The following TRIM33 variants were observed in gnomAD, a reference collection of about 807,000 sequenced individuals.
TRIM33 encodes the protein tripartite motif containing 33, also known as E3 ubiquitin-protein ligase TRIM33.
In TRIM33, 20 loss-of-function variants were observed where a neutral mutation model predicts 125.4. The ratio of observed to expected loss-of-function variants is 0.16; its 90% CI spans 0.11 to 0.23. The LOEUF (loss-of-function observed/expected upper bound fraction) is 0.23. Ranked by LOEUF, TRIM33 falls within the 10% of genes least tolerant of loss-of-function variation. The probability of loss-of-function intolerance (pLI) is 1.00; values close to 1 mark genes in which losing one functional copy is unlikely to be tolerated. For missense variants in TRIM33, 920 were observed against 1,411.4 expected (o/e 0.65, Z 5.58); for synonymous variants, 564 against 513.9 (o/e 1.10, Z -1.32).
At position 114,463,399 on chromosome 1, in the gene TRIM33, G is replaced by C; in HGVS notation, c.790+13C>G. The stretch of plus-strand genomic sequence containing the variant: ...CTGTAATCATTGTAATGATTACAAT[G>C]CATCTATCTTACCTGAGACATCTTC... On this transcript the variant is annotated intron_variant, in intron 3 of 19. Coordinates refer to ENST00000358465, the MANE Select transcript of TRIM33 (RefSeq NM_015906.4). 6.2e-7 allele frequency: 1 copy of C among 1,608,048 alleles called. No individual in the cohort carries two copies.
rs1283353229 is a variant in TRIM33 at position 114,394,080 on chromosome 1, G to C, written c.*3568C>G. On this transcript the variant is annotated 3_prime_UTR_variant, in exon 20 of 20. Coordinates refer to ENST00000358465, the MANE Select transcript of TRIM33 (RefSeq NM_015906.4). The stretch of plus-strand genomic sequence containing the variant: ...CCTTGAAAATCTTGAGTCACCTTCA[G>C]CAGATCATTAACATAGATGGTACAG... The C allele has an allele frequency of 4.4e-6, 1 of 227,410 alleles. No homozygotes were observed. The highest frequency in any genetic ancestry group is 5.7e-5 in the Admixed American group (1 of 17,536). The allele number at this position is 227,410 out of a possible 1,614,324, so 14.1% of individuals were successfully genotyped here.
At position 114,510,943 on chromosome 1, in the gene TRIM33, T is replaced by A; in HGVS notation, c.134A>T (p.Glu45Val). 7.1e-7 allele frequency: 1 copy of A among 1,414,760 alleles called. No homozygotes were observed. The highest frequency in any genetic ancestry group is 2.8e-5 in the Admixed American group (1 of 35,978). 87.6% of individuals were successfully genotyped at this position (1,414,760 alleles called of 1,614,324 possible). Residue 45 changes from glutamate to valine, a missense_variant, in exon 1 of 20, where the codon GAG becomes GTG. Glu to Val is a moderately radical substitution (Grantham distance 121). Transcript: ENST00000358465. ...EPPLTAVLVE[E>V]EEEEGGRAGA... ...GGCCCTGCCGCCTTCCTCCTCCTCC[T>A]CCTCCACCAGCACCGCGGTGAGAGG...
intron 4 of TRIM33, among the ~76,000 whole-genome samples, chr1:114,441,930 G>T (rs1648680212): frequency 6.6e-6 from 1 of 152,094 alleles, no homozygotes; most frequent in Admixed American, 6.5e-5. Flanking sequence ...ATCCTAATAG[G>T]ATCAGAAACT....
Position 114,407,070 on chromosome 1 carries a change from C to T in TRIM33, c.2289G>A (p.Lys763=), listed in dbSNP as rs1572014356. The change falls in exon 14 of 20, where the codon AAG becomes AAA. Residue 763 remains lysine, a synonymous_variant. Coordinates refer to ENST00000358465, the MANE Select transcript of TRIM33 (RefSeq NM_015906.4). ...GATCAGATTTGAAACTAAGACTTGT[C>T]TTCTCAGCAGTTCTTCCTGATGACC... ...SCGSSGRTAE[K]TSLSFKSDQV... is the part of the protein sequence containing the mutation. The T allele has an allele frequency of 6.2e-7, 1 of 1,613,594 alleles. No homozygotes were observed. Among genetic ancestry groups the T allele is most frequent in the East Asian group, 2.2e-5 (1 of 44,876 alleles).
At chr1:114,431,143 G>A (rs1647926016) in intron 5 of TRIM33, among the ~76,000 whole-genome samples, 1 of 152,146 alleles carries the variant, frequency 6.6e-6, no homozygotes, top group South Asian at 2.1e-4. Flanking sequence ...GCTCATAAAG[G>A]ACAGTTTATT....
At chr1:114,423,800 G>A (rs1432846189) in intron 10 of TRIM33, among the ~76,000 whole-genome samples, 1 of 152,128 alleles carries the variant, frequency 6.6e-6, no homozygotes, top group Non-Finnish European at 1.5e-5. Flanking sequence ...TTAGTACGCA[G>A]ATTGACCTGA....
At chr1:114,491,392 T>C (rs1448724168) in intron 1 of TRIM33, among the ~76,000 whole-genome samples, 2 of 152,232 alleles carry the variant, frequency 1.3e-5, no homozygotes, top group South Asian at 2.1e-4. Context: ...AACTAAACTA[T>C]TGCTCCTAGA....
intron 8 of TRIM33, among the ~76,000 whole-genome samples, chr1:114,426,554 CA>C (rs1259145591): frequency 6.7e-6 from 1 of 148,746 alleles, no homozygotes; most frequent in Non-Finnish European, 1.5e-5. Context: ...TCTGCTTTTA[CA>C]ATTCCCACTG....
chr1:114,489,992 TG>T (rs1367443339), intron 1 of TRIM33, among the ~76,000 whole-genome samples: 1 of 147,510 alleles, frequency 6.8e-6, no homozygotes, highest in African/African-American at 2.5e-5. Flanking sequence ...GGCTCACACC[TG>T]TAATCCCAGC....
intron 4 of TRIM33, among the ~76,000 whole-genome samples, chr1:114,438,246 G>T (rs551766106): frequency 6.6e-6 from 1 of 152,184 alleles, no homozygotes; most frequent in South Asian, 2.1e-4. Context: ...CACATCTAGG[G>T]AAAAATGCAT....
chr1:114,399,440 G>C lies in TRIM33; in HGVS notation c.3120+17C>G. The C allele has an allele frequency of 6.2e-7, 1 of 1,608,704 alleles. No individual in the cohort carries two copies. The highest frequency in any genetic ancestry group is 1.1e-5 in the South Asian group (1 of 90,364). On this transcript the variant is annotated intron_variant, in intron 18 of 19. Coordinates refer to ENST00000358465, the MANE Select transcript of TRIM33 (RefSeq NM_015906.4). Reference sequence around the variant, plus strand: ...AAACTAACAAATCAAGACTCTATAGGTTGGAAGTTAACATACTTCATTAAA... The same window carrying C: ...AAACTAACAAATCAAGACTCTATAGCTTGGAAGTTAACATACTTCATTAAA...
At chr1:114,492,390 T>C (rs1652125165) in intron 1 of TRIM33, among the ~76,000 whole-genome samples, 1 of 152,260 alleles carries the variant, frequency 6.6e-6, no homozygotes, top group Non-Finnish European at 1.5e-5. Flanking sequence ...ATTATGTATG[T>C]ATATTATGTA....
rs1310370661 is a variant in TRIM33 at position 114,414,185 on chromosome 1, T to C, written c.2062-3869A>G. Among the ~76,000 whole-genome samples, 3 of 152,136 alleles carry C rather than the reference T, an allele frequency of 2.0e-5. No individual in the cohort carries two copies. The East Asian group carries it at 5.8e-4, about 29-fold the overall frequency. On this transcript the variant is annotated intron_variant, in intron 11 of 19. Transcript: ENST00000358465. ...AGAATGGGGTAGACAACTATTTTTG[T>C]TTTTTTCCTTTTTCTTTTTTAAAAG...
chr1:114,472,101 T>TTA (rs1157089133), intron 1 of TRIM33, among the ~76,000 whole-genome samples: 1 of 152,210 alleles, frequency 6.6e-6, no homozygotes, highest in Non-Finnish European at 1.5e-5. Flanking sequence ...ATGTGAACAC[T>TTA]TATGCATCCC....
At chr1:114,471,874 A>G (rs1650676642) in intron 1 of TRIM33, among the ~76,000 whole-genome samples, 1 of 152,206 alleles carries the variant, frequency 6.6e-6, no homozygotes, top group Non-Finnish European at 1.5e-5. Flanking sequence ...TCAAGCTCAC[A>G]TTTCCTTATC....
intron 2 of TRIM33, 144 bp downstream of exon 2, chr1:114,464,126 T>C (rs1650152300): frequency 4.0e-6 from 2 of 504,672 alleles, no homozygotes; most frequent in Admixed American, 7.7e-5. Flanking sequence ...TGAGAGTATA[T>C]AAGAAAGCTA....
At chr1:114,437,229 C>T (rs1648363616) in intron 4 of TRIM33, among the ~76,000 whole-genome samples, 2 of 152,168 alleles carry the variant, frequency 1.3e-5, no homozygotes, top group Admixed American at 6.5e-5. Flanking sequence ...ATCAAAATTA[C>T]AGCTGAAATG....
At chr1:114,489,386 A>C (rs1339110474) in intron 1 of TRIM33, among the ~76,000 whole-genome samples, 1 of 152,216 alleles carries the variant, frequency 6.6e-6, no homozygotes, top group Non-Finnish European at 1.5e-5. Flanking sequence ...GGATTACGAA[A>C]TGATTTTTCA....
chr1:114,441,379 C>A (rs1321827142), intron 4 of TRIM33, among the ~76,000 whole-genome samples: 5 of 152,118 alleles, frequency 3.3e-5, no homozygotes, highest in Non-Finnish European at 2.9e-5. Context: ...GGTAGGGATA[C>A]CACAGTAAAT....
Sources: gnomAD v4.1 joint callset for allele counts (sites outside exome capture counted in the v4.1 genomes callset) on GRCh38, gnomAD v4.1.1 for gene constraint, MANE v1.5 for transcripts, NCBI Gene and HGNC (gene_info 2026-07-23, HGNC 2026-07-21) for gene names.